CACNB2: variants seen among roughly 807,000 people sequenced by gnomAD.
CACNB2 encodes the protein calcium voltage-gated channel auxiliary subunit beta 2, also known as voltage-dependent L-type calcium channel subunit beta-2.
Under a neutral mutation model 73.3 loss-of-function variants are expected in CACNB2, and 42 were observed. The ratio of observed to expected loss-of-function variants is 0.57; its 90% CI spans 0.45 to 0.74. CACNB2 has a LOEUF of 0.74. Among genes scored for constraint, CACNB2 ranks in the 30% least tolerant of loss-of-function variants. The probability of loss-of-function intolerance (pLI) is 0.00; values close to 1 mark genes in which losing one functional copy is unlikely to be tolerated. For synonymous variants in CACNB2, 348 were observed against 310.3 expected, an observed-to-expected ratio of 1.12 and a Z score of -1.28; for missense variants, 940 against 853.0, an observed-to-expected ratio of 1.10 and a Z score of -1.27.
intron 2 of CACNB2, among the ~76,000 whole-genome samples, chr10:18,154,071 A>T (rs1192415645): frequency 6.6e-6 from 1 of 151,958 alleles, no homozygotes; most frequent in Admixed American, 6.6e-5. Context: ...TCTTGCAGTT[A>T]GAGTCTACTA....
intron 2 of CACNB2, chr10:18,400,623 C>A: frequency 9.5e-7 from 1 of 1,057,040 alleles, no homozygotes; most frequent in Non-Finnish European, 1.1e-6. Flanking sequence ...AATGTCACTG[C>A]ATACGTTTTT....
chr10:18,528,365 C>T (rs1474220105), intron 10 of CACNB2, among the ~76,000 whole-genome samples: 1 of 152,178 alleles, frequency 6.6e-6, no homozygotes, highest in African/African-American at 2.4e-5. Context: ...GACCCTTCAG[C>T]TGCTATTTAA....
At chr10:18,342,629 T>C (rs1439735162) in intron 2 of CACNB2, among the ~76,000 whole-genome samples, 1 of 152,184 alleles carries the variant, frequency 6.6e-6, no homozygotes, top group Non-Finnish European at 1.5e-5. Flanking sequence ...TTTTAACTAA[T>C]AAGTATGCTT....
Position 18,539,510 on chromosome 10 carries a change from A to C in CACNB2, c.1769A>C (p.His590Pro), listed in dbSNP as rs2053936892. 3 of 1,613,784 alleles carry C rather than the reference A, an allele frequency of 1.9e-6. No homozygotes were observed. The Admixed American group carries it at 5.0e-5, about 27-fold the overall frequency. ...TATGCCTCACACCGTGACCACAACC[A>C]CAGAGACGAGACCCACGGGAGCAGT... ...DHYASHRDHN[H>P]RDETHGSSDH... The change falls in exon 14 of 14, where the codon CAC becomes CCC. Residue 590 changes from histidine to proline, a missense_variant. Coordinates refer to ENST00000324631, the MANE Select transcript of CACNB2 (RefSeq NM_201596.3).
chr10:18,313,480 A>G (rs940626130), intron 2 of CACNB2, among the ~76,000 whole-genome samples: 2 of 151,624 alleles, frequency 1.3e-5, no homozygotes, highest in African/African-American at 2.4e-5. Context: ...AACCATGCCA[A>G]TTGCTGTGTA....
At chr10:18,505,762 C>A (rs1485033608) in intron 5 of CACNB2, among the ~76,000 whole-genome samples, 1 of 152,138 alleles carries the variant, frequency 6.6e-6, no homozygotes, top group Non-Finnish European at 1.5e-5. Flanking sequence ...AATATTAACT[C>A]CAATGTTTCT....
rs192529947 is a variant in CACNB2 at position 18,400,695 on chromosome 10, G to C, written c.214-1229G>C. On this transcript the variant is annotated intron_variant, in intron 2 of 13. Coordinates refer to ENST00000324631, the MANE Select transcript of CACNB2 (RefSeq NM_201596.3). ...TACAACTAATTTCTTTTAACAATTT[G>C]AGCGCAGGGAAGAGAATGTTTAGGG... 1.3e-4 allele frequency: 124 copies of C among 957,600 alleles called. No individual in the cohort carries two copies. The African/African-American group carries it at 2.1e-3, about 16-fold the overall frequency. 59.3% of individuals were successfully genotyped at this position (957,600 alleles called of 1,614,324 possible). A position where few individuals can be genotyped will look rare whatever the true frequency, so the allele number is the denominator to read the frequency against.
intron 2 of CACNB2, among the ~76,000 whole-genome samples, chr10:18,226,050 A>C (rs2035980964): frequency 6.7e-6 from 1 of 148,558 alleles, no homozygotes; most frequent in African/African-American, 2.5e-5. Flanking sequence ...TTCTTGAGAC[A>C]GGGTCTTGCT....
At chr10:18,385,086 C>T (rs2043169327) in intron 2 of CACNB2, among the ~76,000 whole-genome samples, 1 of 152,004 alleles carries the variant, frequency 6.6e-6, no homozygotes, top group African/African-American at 2.4e-5. Context: ...TCGAGACCAG[C>T]CTGGCAAACC....
rs1056704696 is a variant in CACNB2, at chr10:18,540,835, G to A, written c.*1111G>A. The A allele has an allele frequency of 1.3e-5, 2 of 152,622 alleles. No individual in the cohort carries two copies. Among genetic ancestry groups the A allele is most frequent in the African/African-American group, 2.4e-5 (1 of 41,442 alleles). 9.5% of individuals were successfully genotyped at this position (152,622 alleles called of 1,614,324 possible). A position where few individuals can be genotyped will look rare whatever the true frequency, so the allele number is the denominator to read the frequency against. On this transcript the variant is annotated 3_prime_UTR_variant, in exon 14 of 14. Coordinates refer to ENST00000324631, the MANE Select transcript of CACNB2 (RefSeq NM_201596.3). The stretch of plus-strand genomic sequence containing the variant: ...TGATATCGAGCATTCTGCCCACCTC[G>A]CTCTGTATTTAATTAATTGTGCTAT...
chr10:18,430,711 G>A (rs918928055), intron 3 of CACNB2, among the ~76,000 whole-genome samples: 5 of 152,196 alleles, frequency 3.3e-5, no homozygotes, highest in Admixed American at 6.5e-5. Context: ...GAAGCCTTCT[G>A]TCCTGTGATC....
At chr10:18,282,277 A>G (rs1182589629) in intron 2 of CACNB2, among the ~76,000 whole-genome samples, 1 of 152,164 alleles carries the variant, frequency 6.6e-6, no homozygotes, top group Admixed American at 6.5e-5. Context: ...TTGAGGTAGC[A>G]CAGAGGACAC....
At chr10:18,415,477 A>C (rs1421656684) in intron 3 of CACNB2, among the ~76,000 whole-genome samples, 4 of 151,702 alleles carry the variant, frequency 2.6e-5, no homozygotes, top group Non-Finnish European at 5.9e-5. Flanking sequence ...TAAAAAAAAA[A>C]AAACAAAGAA....
intron 11 of CACNB2, among the ~76,000 whole-genome samples, chr10:18,534,679 T>G (rs1404273134): frequency 1.3e-5 from 2 of 152,226 alleles, no homozygotes; most frequent in African/African-American, 4.8e-5. Flanking sequence ...AATGTCCTTA[T>G]AAAGTAGTAA....
chr10:18,249,484 A>G (rs1326370082), intron 2 of CACNB2, among the ~76,000 whole-genome samples: 1 of 152,090 alleles, frequency 6.6e-6, no homozygotes, highest in Non-Finnish European at 1.5e-5. Context: ...ATGTGTGTCC[A>G]CCCACTGTAT....
At chr10:18,385,643 C>CAAA (rs370371966) in intron 2 of CACNB2, among the ~76,000 whole-genome samples, 7 of 102,176 alleles carry the variant, frequency 6.9e-5, no homozygotes, top group East Asian at 5.2e-4. Context: ...AACTCCATCT[C>CAAA]AAAAAAAAAA....
intron 2 of CACNB2, among the ~76,000 whole-genome samples, chr10:18,319,678 A>G (rs939158827): frequency 1.2e-4 from 18 of 152,340 alleles, no homozygotes; most frequent in African/African-American, 3.6e-4. Flanking sequence ...AATTTTTGAA[A>G]AAGAATATTT....
chr10:18,361,386 C>A (rs2042131154), intron 2 of CACNB2, among the ~76,000 whole-genome samples: 2 of 150,044 alleles, frequency 1.3e-5, no homozygotes, highest in African/African-American at 2.5e-5. Flanking sequence ...GAAGTCCCAG[C>A]AACTTGGGAG....
chr10:18,359,432 CG>C, intron 2 of CACNB2, among the ~76,000 whole-genome samples: 1 of 151,964 alleles, frequency 6.6e-6, no homozygotes, highest in East Asian at 1.9e-4. Flanking sequence ...CCACCATGCC[CG>C]GCTAATTTTT....
Sources: gnomAD v4.1 joint callset for allele counts (sites outside exome capture counted in the v4.1 genomes callset) on GRCh38, gnomAD v4.1.1 for gene constraint, MANE v1.5 for transcripts, NCBI Gene and HGNC (gene_info 2026-07-23, HGNC 2026-07-21) for gene names.